Variants in DPF3 observed in about 807,000 individuals in gnomAD.
DPF3 encodes double PHD fingers 3, also known as zinc finger protein DPF3.
In DPF3, 18 loss-of-function variants were observed where a neutral mutation model predicts 56.8. That is an observed-to-expected ratio of 0.32 (90% CI 0.22 to 0.47). The LOEUF is 0.47. Ranked by LOEUF, DPF3 falls within the 20% of genes least tolerant of loss-of-function variation. The probability of loss-of-function intolerance (pLI) is 1.00; values close to 1 mark genes in which losing one functional copy is unlikely to be tolerated. For missense variants in DPF3, 403 were observed against 488.8 expected (o/e 0.82, Z 1.65); for synonymous variants, 188 against 180.2 (o/e 1.04, Z -0.35).
rs191614009 is a variant in DPF3 at position 72,871,897 on chromosome 14, C to T, written c.32+22160G>A. Among the ~76,000 whole-genome samples, 298 of 152,318 alleles carry T rather than the reference C, an allele frequency of 2.0e-3. 1 individual carries two copies. The highest frequency in any genetic ancestry group is 7.1e-3 in the African/African-American group (296 of 41,564). Reference sequence around the variant, plus strand: ...CCCCAGTAGGGACTCTGTATGGAGGCTCCAACCCCACATTTCCCTTCTGCA... The same window carrying T: ...CCCCAGTAGGGACTCTGTATGGAGGTTCCAACCCCACATTTCCCTTCTGCA... On this transcript the variant is annotated intron_variant, in intron 1 of 10. Coordinates refer to ENST00000556509, the MANE Select transcript of DPF3 (RefSeq NM_001280542.3).
At chr14:72,731,978 G>T in intron 3 of DPF3, 44 bp from the exon 4 acceptor site, 1 of 1,553,726 alleles carries the variant, frequency 6.4e-7, no homozygotes, top group Admixed American at 2.0e-5. Flanking sequence ...ACTAGAAGCA[G>T]GCAGGGCAGG....
chr14:72,801,372 G>A (rs916999974), intron 1 of DPF3, among the ~76,000 whole-genome samples: 5 of 152,180 alleles, frequency 3.3e-5, no homozygotes, highest in Non-Finnish European at 7.3e-5. Flanking sequence ...TAAAAACATA[G>A]CAGCAATAGA....
chr14:72,629,611 G>A lies in DPF3; in HGVS notation c.984+13C>T. On this transcript the variant is annotated intron_variant, in intron 9 of 10. Transcript: ENST00000556509. ...TGGATTTCTCCCTCCCACAGGGAAAGCCCCAAACTCACATCATTCTCTGAG... is the reference window on the plus strand; with the variant it reads ...TGGATTTCTCCCTCCCACAGGGAAAACCCCAAACTCACATCATTCTCTGAG... The A allele has an allele frequency of 6.5e-7, 1 of 1,531,822 alleles. No individual in the cohort carries two copies. Among genetic ancestry groups the A allele is most frequent in the Non-Finnish European group, 8.7e-7 (1 of 1,143,054 alleles). 94.9% of individuals were successfully genotyped at this position (1,531,822 alleles called of 1,614,324 possible). A position where few individuals can be genotyped will look rare whatever the true frequency, so the allele number is the denominator to read the frequency against.
intron 2 of DPF3, among the ~76,000 whole-genome samples, chr14:72,770,066 A>G (rs1891458124): frequency 6.6e-6 from 1 of 152,224 alleles, no homozygotes; most frequent in Non-Finnish European, 1.5e-5. Context: ...GCAACCCTTA[A>G]TGGGATAAAG....
intron 8 of DPF3, among the ~76,000 whole-genome samples, chr14:72,655,867 T>A (rs894376192): frequency 6.6e-5 from 10 of 152,186 alleles, no homozygotes; most frequent in South Asian, 6.2e-4. Flanking sequence ...ATTACAGAAC[T>A]AAATGGGGAC....
chr14:72,720,069 T>G (rs1889102353), intron 5 of DPF3, among the ~76,000 whole-genome samples: 1 of 151,898 alleles, frequency 6.6e-6, no homozygotes, highest in East Asian at 1.9e-4. Context: ...AGCTCCCAGA[T>G]GATATTAATG....
intron 1 of DPF3, among the ~76,000 whole-genome samples, chr14:72,878,842 C>T (rs1328300527): frequency 6.6e-6 from 1 of 152,244 alleles, no homozygotes; most frequent in Non-Finnish European, 1.5e-5. Flanking sequence ...CATAAATGCA[C>T]ATCCTACATG....
intron 1 of DPF3, among the ~76,000 whole-genome samples, chr14:72,797,171 T>C (rs1892678297): frequency 6.6e-6 from 1 of 152,180 alleles, no homozygotes; most frequent in South Asian, 2.1e-4. Flanking sequence ...TTGCTTAGCA[T>C]ATGAATACGC....
At chr14:72,816,043 C>A (rs545930523) in intron 1 of DPF3, among the ~76,000 whole-genome samples, 2 of 152,320 alleles carry the variant, frequency 1.3e-5, no homozygotes, top group South Asian at 4.1e-4. Flanking sequence ...AATATCTTAC[C>A]CAAGGTCCAG....
chr14:72,841,950 G>A (rs1455520357), intron 1 of DPF3, among the ~76,000 whole-genome samples: 2 of 152,064 alleles, frequency 1.3e-5, no homozygotes, highest in Non-Finnish European at 2.9e-5. Context: ...TTAGCTGGGT[G>A]TGGTGGTACA....
intron 1 of DPF3, among the ~76,000 whole-genome samples, chr14:72,832,596 A>T (rs1004035633): frequency 7.2e-6 from 1 of 138,342 alleles, no homozygotes; most frequent in Non-Finnish European, 1.5e-5. Context: ...CATGAACTAC[A>T]GATAGGGCAA....
At chr14:72,887,602 C>T (rs1288190971) in intron 1 of DPF3, among the ~76,000 whole-genome samples, 1 of 152,186 alleles carries the variant, frequency 6.6e-6, no homozygotes, top group African/African-American at 2.4e-5. Flanking sequence ...TCCTAATCCA[C>T]CATAATAAGA....
intron 1 of DPF3, chr14:72,892,350 T>G: frequency 6.5e-7 from 1 of 1,534,632 alleles, no homozygotes. Flanking sequence ...ACATTTTCTT[T>G]CTTGGGTGAA....
chr14:72,611,440 G>C lies in DPF3; in HGVS notation c.*7857C>G, dbSNP rs999995942. Among the ~76,000 whole-genome samples, 8 of 152,216 alleles carry C rather than the reference G, an allele frequency of 5.3e-5. No homozygotes were observed. The highest frequency in any genetic ancestry group is 1.9e-4 in the African/African-American group (8 of 41,450). ...TTTCATCCCTGCACACACCAGCAGT[G>C]CCAGATACAGGCGTGGGGCAGCTGA... is the stretch of plus-strand genomic sequence containing the variant. On this transcript the variant is annotated 3_prime_UTR_variant, in exon 11 of 11. Transcript: ENST00000556509.
rs117922990 is a variant in DPF3 at position 72,779,869 on chromosome 14, C to T, written c.33-7976G>A. On this transcript the variant is annotated intron_variant, in intron 1 of 10. Coordinates refer to ENST00000556509, the MANE Select transcript of DPF3 (RefSeq NM_001280542.3). Reference sequence around the variant, plus strand: ...GAGGCTGTCGGGGACCCACTCAAACCTCTGTCCCAGGACAGAAGGCCTCTG... The same window carrying T: ...GAGGCTGTCGGGGACCCACTCAAACTTCTGTCCCAGGACAGAAGGCCTCTG... 9.0e-3 allele frequency among the ~76,000 whole-genome samples: 1,367 copies of T among 152,354 alleles called. 15 individuals carry two copies. The highest frequency in any genetic ancestry group is 0.023 in the South Asian group (113 of 4,820).
At chr14:72,870,988 A>G (rs914401116) in intron 1 of DPF3, among the ~76,000 whole-genome samples, 4 of 94,688 alleles carry the variant, frequency 4.2e-5, no homozygotes, top group African/African-American at 2.0e-4. Flanking sequence ...ATTGGACTTA[A>G]AGTCCTCAGA....
intron 1 of DPF3, 56 bp downstream of exon 1, chr14:72,894,001 C>G (rs77901786): frequency 1.2e-6 from 2 of 1,601,888 alleles, no homozygotes; most frequent in Non-Finnish European, 1.7e-6. Flanking sequence ...GCAGAAGGCG[C>G]CTTTTTTTTC....
At chr14:72,656,283 G>A (rs1313339223) in intron 8 of DPF3, among the ~76,000 whole-genome samples, 2 of 152,182 alleles carry the variant, frequency 1.3e-5, no homozygotes, top group African/African-American at 2.4e-5. Flanking sequence ...CTGAAGCATT[G>A]CTTCCCAGAC....
At chr14:72,636,433 T>G (rs546162214) in intron 8 of DPF3, among the ~76,000 whole-genome samples, 2 of 152,252 alleles carry the variant, frequency 1.3e-5, no homozygotes, top group South Asian at 4.1e-4. Flanking sequence ...CTCTCACTCC[T>G]CTCTTCTCTC....
Sources: gnomAD v4.1 joint callset for allele counts (sites outside exome capture counted in the v4.1 genomes callset) on GRCh38, gnomAD v4.1.1 for gene constraint, MANE v1.5 for transcripts, NCBI Gene and HGNC (gene_info 2026-07-23, HGNC 2026-07-21) for gene names.